Variants in ATP2B1 observed in about 807,000 individuals in gnomAD.
ATP2B1 encodes plasma membrane calcium-transporting ATPase 1.
In ATP2B1, 14 loss-of-function variants were observed where a neutral mutation model predicts 124.2. That is an observed-to-expected ratio of 0.11 (90% CI 0.07 to 0.18). ATP2B1 has a LOEUF of 0.18. Among genes scored for constraint, ATP2B1 ranks in the 10% least tolerant of loss-of-function variants. The probability of loss-of-function intolerance (pLI) is 1.00; values close to 1 mark genes in which losing one functional copy is unlikely to be tolerated. For synonymous variants in ATP2B1, 449 were observed against 492.4 expected, an observed-to-expected ratio of 0.91 and a Z score of 1.17; for missense variants, 763 against 1,466.1, an observed-to-expected ratio of 0.52 and a Z score of 7.83.
chr12:89,602,722 T>A (rs2135939804), intron 18 of ATP2B1, among the ~76,000 whole-genome samples: 1 of 152,358 alleles, frequency 6.6e-6, no homozygotes, highest in South Asian at 2.1e-4. Context: ...TTTGGTATAA[T>A]GTGGGATGTA....
chr12:89,671,771 G>GTTTTTT (rs34218036), intron 1 of ATP2B1, among the ~76,000 whole-genome samples: 10 of 139,962 alleles, frequency 7.1e-5, no homozygotes, highest in African/African-American at 1.8e-4. Flanking sequence ...TCCCAAGGCA[G>GTTTTTT]TTTTTTTTTT....
At chr12:89,667,859 C>A (rs1197111491) in intron 1 of ATP2B1, among the ~76,000 whole-genome samples, 1 of 152,134 alleles carries the variant, frequency 6.6e-6, no homozygotes, top group Non-Finnish European at 1.5e-5. Flanking sequence ...ACTACCAACA[C>A]CATTTTTCAC....
intron 12 of ATP2B1, among the ~76,000 whole-genome samples, chr12:89,614,232 T>G (rs1289426524): frequency 6.6e-6 from 1 of 152,080 alleles, no homozygotes; most frequent in Non-Finnish European, 1.5e-5. Flanking sequence ...GAGGCTGAGG[T>G]GGGAGGCTGC....
chr12:89,589,073 T>G lies in ATP2B1; in HGVS notation c.*1911A>C, dbSNP rs1310364599. 6.6e-6 allele frequency: 1 copy of G among 152,614 alleles called. No individual in the cohort carries two copies. The highest frequency in any genetic ancestry group is 1.5e-5 in the Non-Finnish European group (1 of 68,030). 9.5% of individuals were successfully genotyped at this position (152,614 alleles called of 1,614,324 possible). ...TTTTTACAGTATGATTCACTATAAA[T>G]ACCTGATGAATAAATGTACAATTAC... On this transcript the variant is annotated 3_prime_UTR_variant, in exon 21 of 21. Transcript: ENST00000428670.
At chr12:89,643,565 C>T (rs4842670) in intron 2 of ATP2B1, among the ~76,000 whole-genome samples, 142,427 of 152,226 alleles carry the variant, frequency 0.94, 66,846 homozygotes, top group East Asian at 0.99. Context: ...TAACATTTAT[C>T]GTCTGGAGTA....
intron 3 of ATP2B1, chr12:89,641,802 AG>A (rs1385408662): frequency 6.0e-6 from 1 of 166,228 alleles, no homozygotes; most frequent in African/African-American, 2.4e-5. Context: ...ATTTTCCAAA[AG>A]AAACCAAAAA....
Position 89,642,055 on chromosome 12 carries a change from A to T in ATP2B1, c.406+103T>A, listed in dbSNP as rs764054558. On this transcript the variant is annotated intron_variant, in intron 3 of 20. Transcript: ENST00000428670. Reference sequence around the variant, plus strand: ...GTACTTAGAACAGTGCCTAGCACATAGCAAACATCAATAAATGCTGGCCAG... The same window carrying T: ...GTACTTAGAACAGTGCCTAGCACATTGCAAACATCAATAAATGCTGGCCAG... The T allele has an allele frequency of 4.6e-4, 540 of 1,173,022 alleles. 1 individual carries two copies. The highest frequency in any genetic ancestry group is 4.5e-4 in the Non-Finnish European group (366 of 815,826). The allele number at this position is 1,173,022 out of a possible 1,614,324, so 72.7% of individuals were successfully genotyped here. A position where few individuals can be genotyped will look rare whatever the true frequency, so the allele number is the denominator to read the frequency against.
intron 1 of ATP2B1, among the ~76,000 whole-genome samples, chr12:89,689,049 C>T (rs1890264330): frequency 6.6e-6 from 1 of 152,048 alleles, no homozygotes; most frequent in Non-Finnish European, 1.5e-5. Flanking sequence ...TCACTGACTT[C>T]AGTGAATCTA....
Position 89,628,919 on chromosome 12 carries a change from C to T in ATP2B1, c.929-1203G>A, listed in dbSNP as rs576679876. ...TTACCCCGGACTGCTTCTGAGTAAT[C>T]GCTAAGGCAGTCAAGGGAATGGGAG... On this transcript the variant is annotated intron_variant, in intron 6 of 20. Transcript: ENST00000428670. 1.9e-4 allele frequency among the ~76,000 whole-genome samples: 29 copies of T among 152,052 alleles called. 2 individuals are homozygous for T. The South Asian group carries it at 5.4e-3, about 28-fold the overall frequency.
In ATP2B1 at chr12:89,611,201, T is replaced by C; in HGVS notation, c.2239A>G (p.Lys747Glu). ...KDFNRRIRNE[K>E]GEIEQERIDK... ...TAATAATAAATCTTTACCTCTCCTT[T>C]TTCATTTCGTATTCTTCTGTTAAAA... The change falls in exon 13 of 21, where the codon AAA (lysine) becomes GAA (glutamate). Residue 747 changes from lysine (K) to glutamate (E), a missense_variant. By Grantham distance (56) the Lys-to-Glu change is moderately conservative (BLOSUM62 1). Transcript: ENST00000428670. 6.3e-7 allele frequency: 1 copy of C among 1,585,032 alleles called. No individual in the cohort carries two copies. The highest frequency in any genetic ancestry group is 8.5e-7 in the Non-Finnish European group (1 of 1,172,308).
intron 8 of ATP2B1, 117 bp downstream of exon 8, chr12:89,626,337 A>G: frequency 1.8e-6 from 2 of 1,119,634 alleles, no homozygotes; most frequent in Non-Finnish European, 2.5e-6. Flanking sequence ...AAAATATTTC[A>G]AACTCCCCTT....
chr12:89,621,526 A>C (rs1416130122), intron 10 of ATP2B1, 23 bp downstream of exon 10: 1 of 1,451,348 alleles, frequency 6.9e-7, no homozygotes, highest in Non-Finnish European at 9.3e-7. Flanking sequence ...ATTAATTTTC[A>C]TAAATTATTT....
chr12:89,693,683 T>G (rs1002666995), intron 1 of ATP2B1, among the ~76,000 whole-genome samples: 3 of 152,238 alleles, frequency 2.0e-5, no homozygotes, highest in African/African-American at 7.2e-5. Context: ...CTAAACAGTC[T>G]TTCTAGTTTC....
intron 1 of ATP2B1, among the ~76,000 whole-genome samples, chr12:89,668,001 C>T (rs1013924134): frequency 5.3e-5 from 8 of 152,120 alleles, no homozygotes; most frequent in African/African-American, 1.7e-4. Flanking sequence ...TAGCCAGGTA[C>T]GTGACTTCAA....
At chr12:89,627,784 A>T in intron 6 of ATP2B1, 68 bp from the exon 7 acceptor site, 1 of 1,495,172 alleles carries the variant, frequency 6.7e-7, no homozygotes, top group Non-Finnish European at 9.3e-7. Flanking sequence ...AATTATGCAG[A>T]AGTAGTTCAC....
intron 1 of ATP2B1, among the ~76,000 whole-genome samples, chr12:89,669,609 T>C (rs955990675): frequency 6.6e-6 from 1 of 152,204 alleles, no homozygotes; most frequent in Admixed American, 6.5e-5. Context: ...AATTACCATA[T>C]GAACTATCTT....
At chr12:89,602,936 G>GC in intron 18 of ATP2B1, 107 bp downstream of exon 18, 1 of 937,502 alleles carries the variant, frequency 1.1e-6, no homozygotes, top group Non-Finnish European at 1.6e-6. Context: ...TGTCACCAAG[G>GC]CAACAGTTCC....
intron 1 of ATP2B1, among the ~76,000 whole-genome samples, chr12:89,677,644 GTTCC>G (rs1307811925): frequency 1.3e-5 from 2 of 151,858 alleles, no homozygotes; most frequent in African/African-American, 4.8e-5. Flanking sequence ...ACATAAACTG[GTTCC>G]TTCAACTCTT....
intron 9 of ATP2B1, among the ~76,000 whole-genome samples, chr12:89,622,306 T>A (rs541592430): frequency 1.6e-4 from 24 of 151,786 alleles, no homozygotes; most frequent in African/African-American, 5.1e-4. Context: ...TTGATTTTTT[T>A]TTATTATTAA....
Sources: gnomAD v4.1 joint callset for allele counts (sites outside exome capture counted in the v4.1 genomes callset) on GRCh38, gnomAD v4.1.1 for gene constraint, MANE v1.5 for transcripts, NCBI Gene and HGNC (gene_info 2026-07-23, HGNC 2026-07-21) for gene names.